PAPPA2: variants seen among roughly 807,000 people sequenced by gnomAD.
PAPPA2 encodes pappalysin 2.
In PAPPA2, 86 loss-of-function variants were observed where a neutral mutation model predicts 176.4. The observed-to-expected ratio is 0.49, with a 90% CI of 0.41 to 0.58. PAPPA2 has a LOEUF of 0.58. Among genes scored for constraint, PAPPA2 ranks in the 20% least tolerant of loss-of-function variants. The pLI, the probability that PAPPA2 is intolerant of heterozygous loss-of-function variation, is 0.00. For missense variants in PAPPA2, 2,073 were observed against 2,256.9 expected, an observed-to-expected ratio of 0.92 and a Z score of 1.65; for synonymous variants, 809 against 852.2, an observed-to-expected ratio of 0.95 and a Z score of 0.88.
At chr1:176,824,258 G>A (rs936873302) in intron 21 of PAPPA2, among the ~76,000 whole-genome samples, 1 of 152,222 alleles carries the variant, frequency 6.6e-6, no homozygotes, top group Admixed American at 6.5e-5. Flanking sequence ...CTATTTGTAT[G>A]TGTTTTTGTT....
chr1:176,601,597 T>G (rs1380420383), intron 3 of PAPPA2, among the ~76,000 whole-genome samples: 1 of 152,204 alleles, frequency 6.6e-6, no homozygotes, highest in Non-Finnish European at 1.5e-5. Context: ...AACTTGGAAC[T>G]AGGCAGGGCT....
intron 15 of PAPPA2, 151 bp downstream of exon 15, chr1:176,765,988 C>A: frequency 1.0e-6 from 1 of 956,872 alleles, no homozygotes; most frequent in Non-Finnish European, 1.5e-6. Flanking sequence ...AGAATGATGG[C>A]TTAATAGAAA....
chr1:176,824,993 T>C (rs1043459839), intron 21 of PAPPA2, among the ~76,000 whole-genome samples: 4 of 152,188 alleles, frequency 2.6e-5, no homozygotes, highest in African/African-American at 9.7e-5. Context: ...AGATTGCCTC[T>C]GACCTGGTTC....
At chr1:176,825,765 G>T (rs1041128375) in intron 21 of PAPPA2, among the ~76,000 whole-genome samples, 2 of 152,152 alleles carry the variant, frequency 1.3e-5, no homozygotes, top group African/African-American at 2.4e-5. Flanking sequence ...AGTTGAGCAA[G>T]GTAAATGGTA....
At chr1:176,572,725 T>C (rs757870949) in intron 2 of PAPPA2, among the ~76,000 whole-genome samples, 1 of 152,212 alleles carries the variant, frequency 6.6e-6, no homozygotes, top group Non-Finnish European at 1.5e-5. Flanking sequence ...ACTAATGCTG[T>C]GAAAGTCATA....
At chr1:176,659,871 T>C (rs1025045046) in intron 3 of PAPPA2, among the ~76,000 whole-genome samples, 1 of 152,094 alleles carries the variant, frequency 6.6e-6, no homozygotes, top group African/African-American at 2.4e-5. Context: ...TTGATAAGGC[T>C]CTCTATATAC....
At chr1:176,602,253 C>T (rs1654366573) in intron 3 of PAPPA2, among the ~76,000 whole-genome samples, 1 of 152,078 alleles carries the variant, frequency 6.6e-6, no homozygotes, top group Non-Finnish European at 1.5e-5. Context: ...CTGGGGAGTT[C>T]GAGGGCGGAG....
chr1:176,551,924 A>T (rs1042275798), intron 1 of PAPPA2, among the ~76,000 whole-genome samples: 2 of 152,188 alleles, frequency 1.3e-5, no homozygotes, highest in African/African-American at 4.8e-5. Context: ...GGAGGCAGAG[A>T]TGCAGGGAGG....
intron 3 of PAPPA2, among the ~76,000 whole-genome samples, chr1:176,645,338 T>C (rs1178690954): frequency 6.6e-6 from 1 of 151,848 alleles, no homozygotes; most frequent in Non-Finnish European, 1.5e-5. Flanking sequence ...AATGAGAACA[T>C]GCAATATTTG....
At chr1:176,784,810 A>G (rs889736571) in intron 17 of PAPPA2, among the ~76,000 whole-genome samples, 4 of 150,554 alleles carry the variant, frequency 2.7e-5, no homozygotes, top group Non-Finnish European at 3.0e-5. Flanking sequence ...CTGGTCTTGA[A>G]CTCCTGACCT....
At chr1:176,623,618 C>CTTTCTTT (rs1558479058) in intron 3 of PAPPA2, among the ~76,000 whole-genome samples, 986 of 74,970 alleles carry the variant, frequency 0.013, 12 homozygotes, top group South Asian at 0.021. Flanking sequence ...TTCCTTCCTT[C>CTTTCTTT]CTTCCTTTTT....
At chr1:176,819,220 TAGAG>T (rs1372870159) in intron 21 of PAPPA2, among the ~76,000 whole-genome samples, 1 of 152,134 alleles carries the variant, frequency 6.6e-6, no homozygotes, top group African/African-American at 2.4e-5. Flanking sequence ...TTGACCATGA[TAGAG>T]AAAGGAAAAT....
intron 1 of PAPPA2, among the ~76,000 whole-genome samples, chr1:176,471,433 A>G (rs1031719201): frequency 6.6e-6 from 1 of 152,214 alleles, no homozygotes; most frequent in Non-Finnish European, 1.5e-5. Context: ...TAAAAAAATT[A>G]TAAAATAAAA....
intron 3 of PAPPA2, among the ~76,000 whole-genome samples, chr1:176,639,642 T>TA (rs1656950264): frequency 6.6e-6 from 1 of 152,060 alleles, no homozygotes; most frequent in African/African-American, 2.4e-5. Context: ...AAGTATGTTT[T>TA]ATTGTTTTTT....
At chr1:176,579,954 A>G (rs1184696290) in intron 2 of PAPPA2, among the ~76,000 whole-genome samples, 1 of 152,262 alleles carries the variant, frequency 6.6e-6, no homozygotes, top group African/African-American at 2.4e-5. Flanking sequence ...TGTAGTGATC[A>G]AATCTGAGTA....
chr1:176,617,347 G>C (rs1339238558), intron 3 of PAPPA2, among the ~76,000 whole-genome samples: 1 of 152,142 alleles, frequency 6.6e-6, no homozygotes, highest in Non-Finnish European at 1.5e-5. Flanking sequence ...GGTTGTGGCA[G>C]AGTGGTGGTG....
chr1:176,790,030 G>T, intron 18 of PAPPA2, 53 bp downstream of exon 18: 1 of 1,561,698 alleles, frequency 6.4e-7, no homozygotes, highest in South Asian at 1.2e-5. Context: ...TAATCTTGAT[G>T]CCCAATCCAA....
At chr1:176,517,984 A>G (rs866831287) in intron 1 of PAPPA2, among the ~76,000 whole-genome samples, 4 of 152,198 alleles carry the variant, frequency 2.6e-5, no homozygotes, top group Admixed American at 1.3e-4. Flanking sequence ...AGGAAAGGCC[A>G]GTCATGGATT....
At position 176,551,775 on chromosome 1, in the gene PAPPA2, C is replaced by T. The variant is rs867013505; in HGVS notation, c.-916-3632C>T. ...TTTAGATAAGAGGACCCAGGAACCTCTGTGGATAGAAATAAAGGAAGGGGC... is the reference window on the plus strand; with the variant it reads ...TTTAGATAAGAGGACCCAGGAACCTTTGTGGATAGAAATAAAGGAAGGGGC... On this transcript the variant is annotated intron_variant, in intron 1 of 22. Coordinates refer to ENST00000367662, the MANE Select transcript of PAPPA2 (RefSeq NM_020318.3). Among the ~76,000 whole-genome samples the T allele has an allele frequency of 1.1e-3, 170 of 152,076 alleles. 2 individuals carry two copies. Among genetic ancestry groups the T allele is most frequent in the African/African-American group, 3.9e-3 (160 of 41,444 alleles).
Sources: gnomAD v4.1 joint callset for allele counts (sites outside exome capture counted in the v4.1 genomes callset) on GRCh38, gnomAD v4.1.1 for gene constraint, MANE v1.5 for transcripts, NCBI Gene and HGNC (gene_info 2026-07-23, HGNC 2026-07-21) for gene names.